SRBD1: variants seen among roughly 807,000 people sequenced by gnomAD.
SRBD1 encodes the protein S1 RNA binding domain 1.
Under a neutral mutation model 115.3 loss-of-function variants are expected in SRBD1, and 88 were observed. That is an observed-to-expected ratio of 0.76 (90% CI 0.64 to 0.91). The LOEUF is 0.91. SRBD1 is among the 40% of genes least tolerant of loss of function. SRBD1 has a pLI of 0.00. For missense variants in SRBD1, 1,385 were observed against 1,177.4 expected (o/e 1.18, Z -2.58); for synonymous variants, 509 against 407.7 (o/e 1.25, Z -2.99).
At chr2:45,476,498 GT>G (rs1237432398) in intron 16 of SRBD1, among the ~76,000 whole-genome samples, 2 of 152,076 alleles carry the variant, frequency 1.3e-5, no homozygotes, top group Non-Finnish European at 2.9e-5. Context: ...CTCTGCCAAG[GT>G]TTAGTGCTGT....
chr2:45,486,220 G>A (rs2103847691), intron 15 of SRBD1, among the ~76,000 whole-genome samples: 1 of 152,328 alleles, frequency 6.6e-6, no homozygotes, highest in South Asian at 2.1e-4. Flanking sequence ...TCAGCAGCGG[G>A]AGGCCTGAGG....
chr2:45,587,727 T>C (rs1449653941), intron 4 of SRBD1, among the ~76,000 whole-genome samples: 1 of 152,206 alleles, frequency 6.6e-6, no homozygotes, highest in Non-Finnish European at 1.5e-5. Context: ...CCCATTCTGA[T>C]GGATTAATGC....
At chr2:45,526,855 C>T (rs905747386) in intron 14 of SRBD1, among the ~76,000 whole-genome samples, 5 of 151,602 alleles carry the variant, frequency 3.3e-5, no homozygotes, top group African/African-American at 1.2e-4. Flanking sequence ...TGCAAAATAG[C>T]AATGGAATTA....
intron 14 of SRBD1, among the ~76,000 whole-genome samples, chr2:45,523,324 G>A (rs1008448340): frequency 2.8e-5 from 4 of 144,980 alleles, no homozygotes; most frequent in Non-Finnish European, 6.0e-5. Context: ...CAGAAGGAAG[G>A]AAGTAATAAA....
At chr2:45,501,439 C>T (rs1670626962) in intron 14 of SRBD1, among the ~76,000 whole-genome samples, 1 of 152,134 alleles carries the variant, frequency 6.6e-6, no homozygotes, top group African/African-American at 2.4e-5. Flanking sequence ...CTCACTGGGG[C>T]TTGTCGGACA....
chr2:45,414,785 CAT>C (rs750524271), intron 18 of SRBD1, among the ~76,000 whole-genome samples: 821 of 56,006 alleles, frequency 0.015, 38 homozygotes, highest in Non-Finnish European at 0.011. Context: ...TACACACACA[CAT>C]AGTGTGTATA....
intron 16 of SRBD1, among the ~76,000 whole-genome samples, chr2:45,444,043 A>C (rs1248113898): frequency 2.0e-5 from 3 of 152,146 alleles, no homozygotes; most frequent in Admixed American, 2.0e-4. Context: ...AATCTACAGG[A>C]AGTTTTAAAG....
chr2:45,460,972 A>C (rs746372908), intron 16 of SRBD1, among the ~76,000 whole-genome samples: 21 of 152,210 alleles, frequency 1.4e-4, no homozygotes, highest in Non-Finnish European at 2.8e-4. Flanking sequence ...ACTGGTCATG[A>C]TGACCGAATA....
intron 14 of SRBD1, among the ~76,000 whole-genome samples, chr2:45,498,991 T>A (rs1312326060): frequency 2.6e-5 from 4 of 152,188 alleles, no homozygotes; most frequent in African/African-American, 9.6e-5. Context: ...ACTGAGTTCC[T>A]TTCTTTTGGA....
chr2:45,547,425 G>A, intron 13 of SRBD1, 97 bp downstream of exon 13: 1 of 1,021,904 alleles, frequency 9.8e-7, no homozygotes, highest in South Asian at 1.5e-5. Flanking sequence ...TCTCACAAAG[G>A]CACCTCCCTT....
chr2:45,440,158 T>C (rs776409184), intron 16 of SRBD1, among the ~76,000 whole-genome samples: 1 of 152,216 alleles, frequency 6.6e-6, no homozygotes, highest in Admixed American at 6.5e-5. Flanking sequence ...GTTAAGATAC[T>C]GATCCTGCCT....
chr2:45,418,268 G>T, intron 18 of SRBD1, 97 bp downstream of exon 18: 1 of 1,406,390 alleles, frequency 7.1e-7, no homozygotes, highest in East Asian at 2.3e-5. Flanking sequence ...CATGAACAAT[G>T]GACACTTAGA....
In SRBD1 at chr2:45,605,913, A is replaced by G. The variant is rs1345712533; in HGVS notation, c.1-472T>C. Reference sequence around the variant, plus strand: ...AGTGAGACTCGGTCTCAAAAAAAAAAAAAAAAGAAAAAAAAAGAGTAGCTA... The same window carrying G: ...AGTGAGACTCGGTCTCAAAAAAAAAGAAAAAAGAAAAAAAAAGAGTAGCTA... On this transcript the variant is annotated intron_variant, in intron 1 of 20. Transcript: ENST00000263736. Among the ~76,000 whole-genome samples the G allele has an allele frequency of 5.3e-5, 8 of 151,526 alleles. No individual in the cohort carries two copies. The East Asian group carries it at 5.8e-4, about 11-fold the overall frequency.
At chr2:45,591,526 T>C (rs1335093518) in intron 4 of SRBD1, among the ~76,000 whole-genome samples, 1 of 152,132 alleles carries the variant, frequency 6.6e-6, no homozygotes. Flanking sequence ...GTGTAGGCAG[T>C]GGGCAAAATG....
At chr2:45,429,791 G>A (rs183835932) in intron 16 of SRBD1, among the ~76,000 whole-genome samples, 102 of 152,212 alleles carry the variant, frequency 6.7e-4, no homozygotes, top group African/African-American at 2.3e-3. Flanking sequence ...TTCTGGCCAC[G>A]GCAATCAGGC....
intron 14 of SRBD1, among the ~76,000 whole-genome samples, chr2:45,508,509 G>A (rs1484877215): frequency 2.0e-5 from 3 of 152,112 alleles, no homozygotes; most frequent in Admixed American, 6.5e-5. Context: ...CAGGACTCCA[G>A]TGAATTTTTC....
chr2:45,586,715 T>C (rs1270337724), intron 4 of SRBD1, among the ~76,000 whole-genome samples: 2 of 151,580 alleles, frequency 1.3e-5, no homozygotes, highest in African/African-American at 2.4e-5. Flanking sequence ...GGCTAATTTT[T>C]TTTTTTTTAT....
intron 14 of SRBD1, among the ~76,000 whole-genome samples, chr2:45,489,567 A>G (rs1019953816): frequency 2.6e-5 from 4 of 152,200 alleles, no homozygotes; most frequent in African/African-American, 9.6e-5. Flanking sequence ...AATAAACACT[A>G]CAACTGAAAA....
chr2:45,606,430 G>C (rs1674276740), intron 1 of SRBD1, among the ~76,000 whole-genome samples: 1 of 152,096 alleles, frequency 6.6e-6, no homozygotes, highest in Non-Finnish European at 1.5e-5. Flanking sequence ...AAAGTGCTGG[G>C]ATTACAGGCA....
Sources: allele counts gnomAD v4.1 joint callset (sites outside exome capture counted in the v4.1 genomes callset), GRCh38; gene constraint gnomAD v4.1.1; transcripts MANE v1.5; gene names NCBI Gene and HGNC (gene_info 2026-07-23, HGNC 2026-07-21).